The following DCDC2B variants were observed in gnomAD, a reference collection of about 807,000 sequenced individuals.
DCDC2B encodes doublecortin domain-containing protein 2B.
A neutral mutation model predicts 38.9 loss-of-function variants in DCDC2B; 41 were observed. That is an observed-to-expected ratio of 1.05 (90% confidence interval 0.82 to 1.37). The LOEUF (loss-of-function observed/expected upper bound fraction) is 1.37, where lower values mean the gene tolerates loss of function less well. Among genes scored for constraint, DCDC2B ranks in the 40% most tolerant of loss-of-function variants. The pLI, the probability that DCDC2B is intolerant of heterozygous loss-of-function variation, is 0.00. For missense variants in DCDC2B, 453 were observed against 427.2 expected (o/e 1.06, Z -0.53); for synonymous variants, 181 against 171.9 (o/e 1.05, Z -0.41).
rs1569727669 is a variant in DCDC2B at position 32,209,239 on chromosome 1, C to A, written c.146C>A (p.Ala49Asp). 3.7e-6 allele frequency: 6 copies of A among 1,614,030 alleles called. No homozygotes were observed. The highest frequency in any genetic ancestry group is 5.1e-6 in the Non-Finnish European group (6 of 1,179,900). Reference sequence around the variant, plus strand: ...TGCGAGGTGACATCAGCTGTGCAGGCCCCACTGGCTGTGCGTGCCCTCTAC... The same window carrying A: ...TGCGAGGTGACATCAGCTGTGCAGGACCCACTGGCTGTGCGTGCCCTCTAC... Reference protein sequence around the residue: ...FLCEVTSAVQAPLAVRALYTP... With the variant: ...FLCEVTSAVQDPLAVRALYTP... Residue 49 changes from alanine to aspartate, a missense_variant, in exon 1 of 9, where the codon GCC (alanine) becomes GAC (aspartate). Transcript: ENST00000409358.
intron 7 of DCDC2B, 99 bp from the exon 8 acceptor site, chr1:32,215,341 A>C: frequency 9.9e-7 from 1 of 1,010,440 alleles, no homozygotes; most frequent in South Asian, 1.7e-5. Flanking sequence ...ATGCAGAACC[A>C]GGTTCAGGGG....
At chr1:32,210,325 TAAAAAAAAAAAA>T (rs905848009) in intron 1 of DCDC2B, among the ~76,000 whole-genome samples, 2 of 78,746 alleles carry the variant, frequency 2.5e-5, no homozygotes, top group Admixed American at 1.4e-4. Context: ...AAACTCCATC[TAAAAAAAAAAAA>T]AAAAAAAAAA....
rs1638297775 is a variant in DCDC2B at position 32,215,417 on chromosome 1, C to T, written c.851-23C>T. The T allele has an allele frequency of 1.2e-5, 19 of 1,580,116 alleles. No homozygotes were observed. The South Asian group carries it at 2.1e-4, about 18-fold the overall frequency. ...GAGGGCTCTTCAGCCTGGGCATCAC[C>T]CAGTGCTGCCTCCCCTCTTTAGGAG... On this transcript the variant is annotated intron_variant, in intron 7 of 8. Transcript: ENST00000409358.
intron 8 of DCDC2B, 63 bp downstream of exon 8, chr1:32,215,606 A>G: frequency 6.7e-7 from 1 of 1,488,222 alleles, no homozygotes; most frequent in Non-Finnish European, 9.2e-7. Context: ...GGAAACTGGC[A>G]GCCTTGGGCC....
chr1:32,210,518 A>T (rs776696552), intron 1 of DCDC2B, among the ~76,000 whole-genome samples: 9 of 151,860 alleles, frequency 5.9e-5, no homozygotes, highest in Non-Finnish European at 1.3e-4. Context: ...AAAAAGAGAA[A>T]AAAAGAAAAA....
At position 32,212,050 on chromosome 1, in the gene DCDC2B, T is replaced by TA. The variant is rs1339609181; in HGVS notation, c.396-19dup. On this transcript the variant is annotated intron_variant, in intron 3 of 8. Transcript: ENST00000409358. ...AGGGACTCCTGGGGACACTCCCCCT[T>TA]ACCAGGCTTTTTGTCTCAGTGTGTT... The TA allele has an allele frequency of 1.2e-6, 2 of 1,606,542 alleles. No homozygotes were observed. Among genetic ancestry groups the TA allele is most frequent in the Non-Finnish European group, 1.7e-6 (2 of 1,174,446 alleles).
intron 7 of DCDC2B, 179 bp downstream of exon 7, chr1:32,215,111 A>T (rs1638270203): frequency 1.6e-5 from 3 of 189,076 alleles, no homozygotes; most frequent in Non-Finnish European, 2.9e-5. Flanking sequence ...GACTGCCCGT[A>T]AAAAAAAAAA....
rs747943437 is a variant in DCDC2B, at chr1:32,212,598, G to A, written c.636G>A (p.Glu212=). The change falls in exon 5 of 9, where the codon GAG becomes GAA. Residue 212 remains glutamate (E), a synonymous_variant. Transcript: ENST00000409358. The stretch of plus-strand genomic sequence containing the variant: ...AGTTCAAGGACCTTCCCTATCTGGA[G>A]CTGCTGGTGCCCAGCCCCTCCCTGC... ...EDEFKDLPYL[E]LLVPSPSLPR... is the part of the protein sequence containing the mutation. The A allele has an allele frequency of 1.4e-5, 22 of 1,613,934 alleles. No homozygotes were observed. Among genetic ancestry groups the A allele is most frequent in the Non-Finnish European group, 1.9e-5 (22 of 1,179,904 alleles).
In DCDC2B at chr1:32,209,123, G is replaced by A. The variant is rs139959094; in HGVS notation, c.30G>A (p.Arg10=). 8.6e-3 allele frequency: 13,930 copies of A among 1,613,918 alleles called. 67 individuals carry two copies. Among genetic ancestry groups the A allele is most frequent in the Non-Finnish European group, 9.8e-3 (11,524 of 1,179,856 alleles). Residue 10 remains arginine, a synonymous_variant, in exon 1 of 9, where the codon AGG becomes AGA. Transcript: ENST00000409358. ...CAGGTGGCAGTCCAGCAGCCAAGAG[G>A]GTAGTGGTGTACCGGAATGGGGACC... MAGGSPAAK[R]VVVYRNGDPF...
In DCDC2B at chr1:32,214,793, C is replaced by G; in HGVS notation, c.715-4C>G. On this transcript the variant is annotated splice_polypyrimidine_tract_variant and splice_region_variant and intron_variant, in intron 6 of 8. Transcript: ENST00000409358. ...AGGGTCCAAGCCCAGTGTCCCTTCT[C>G]TAGGCCCAAGGCCACAGGGCCCAGG... 6.2e-7 allele frequency: 1 copy of G among 1,613,938 alleles called. No homozygotes were observed. Among genetic ancestry groups the G allele is most frequent in the East Asian group, 2.2e-5 (1 of 44,886 alleles).
intron 7 of DCDC2B, chr1:32,215,147 T>A: frequency 1.5e-6 from 1 of 653,774 alleles, no homozygotes; most frequent in South Asian, 2.3e-5. Context: ...TCATCATAAC[T>A]GTCTCCAGCT....
At chr1:32,211,672 TCCGG>T in intron 2 of DCDC2B, 85 bp from the exon 3 acceptor site, 1 of 1,371,438 alleles carries the variant, frequency 7.3e-7, no homozygotes. Context: ...CCAGTCTGGT[TCCGG>T]CCCCCTCACT....
Position 32,212,471 on chromosome 1 carries a change from C to T in DCDC2B, c.528-19C>T, listed in dbSNP as rs1455328670. On this transcript the variant is annotated intron_variant, in intron 4 of 8. Coordinates refer to ENST00000409358, the MANE Select transcript of DCDC2B (RefSeq NM_001099434.2). The stretch of plus-strand genomic sequence containing the variant: ...CATCGAGTCTACCAGCCCTTATCCT[C>T]CTCACCTCTCTCTCCCAGACTCTGC... 6.2e-7 allele frequency: 1 copy of T among 1,613,122 alleles called. No homozygotes were observed.
chr1:32,215,847 C>CCTGGGG lies in DCDC2B; in HGVS notation c.1010_1015dup (p.Gly337_Ala338dup), dbSNP rs1557537055. 1.3e-6 allele frequency: 2 copies of CCTGGGG among 1,553,214 alleles called. No homozygotes were observed. Among genetic ancestry groups the CCTGGGG allele is most frequent in the Non-Finnish European group, 8.7e-7 (1 of 1,147,914 alleles). On this transcript the variant is annotated inframe_insertion, in exon 9 of 9. Transcript: ENST00000409358. Reference sequence around the variant, plus strand: ...AGAGGCCTTGTCCCTGGAAAACCAGCCTGGGGCTGGGGCTGCTATCTCAGC... The same window carrying CCTGGGG: ...AGAGGCCTTGTCCCTGGAAAACCAGCCTGGGGCTGGGGCTGGGGCTGCTATCTCAGC...
At chr1:32,214,312 CAAAAAAAAAAA>C (rs58837364) in intron 6 of DCDC2B, among the ~76,000 whole-genome samples, 8 of 51,956 alleles carry the variant, frequency 1.5e-4, no homozygotes, top group South Asian at 8.0e-4. Context: ...ACTCAAGTCT[CAAAAAAAAAAA>C]AAAAAAAAAA....
At position 32,212,084 on chromosome 1, in the gene DCDC2B, G is replaced by C. The variant is rs1643610368; in HGVS notation, c.410G>C (p.Gly137Ala). Residue 137 changes from glycine to alanine, a missense_variant, in exon 4 of 9, where the codon GGG becomes GCG. Transcript: ENST00000409358. Reference sequence around the variant, plus strand: ...TTTTGTCTCAGTGTGTTCAGGAATGGGGACCTGGTAAGTCCCCCATTTAGT... The same window carrying C: ...TTTTGTCTCAGTGTGTTCAGGAATGCGGACCTGGTAAGTCCCCCATTTAGT... ...APSYIHVFRN[G>A]DLVSPPFSLK... 6 of 1,613,052 alleles carry C rather than the reference G, an allele frequency of 3.7e-6. No individual in the cohort carries two copies. Among genetic ancestry groups the C allele is most frequent in the African/African-American group, 2.7e-5 (2 of 74,900 alleles).
At chr1:32,210,153 C>G (rs976911768) in intron 1 of DCDC2B, among the ~76,000 whole-genome samples, 4 of 152,112 alleles carry the variant, frequency 2.6e-5, no homozygotes, top group African/African-American at 9.7e-5. Flanking sequence ...CATGGAGAAA[C>G]CCCATCTCTA....
chr1:32,210,714 CTT>C (rs541050742), intron 1 of DCDC2B, among the ~76,000 whole-genome samples: 3 of 144,670 alleles, frequency 2.1e-5, no homozygotes, highest in Non-Finnish European at 3.0e-5. Context: ...TTTCTCTTGA[CTT>C]TTTTTTTTTT....
intron 7 of DCDC2B, 93 bp downstream of exon 7, chr1:32,215,025 A>T: frequency 6.6e-7 from 1 of 1,506,472 alleles, no homozygotes; most frequent in Non-Finnish European, 8.9e-7. Flanking sequence ...CCATGGGAGC[A>T]GAATGCTCAG....
Sources: gnomAD v4.1 joint callset for allele counts (sites outside exome capture counted in the v4.1 genomes callset) on GRCh38, gnomAD v4.1.1 for gene constraint, MANE v1.5 for transcripts, NCBI Gene and HGNC (gene_info 2026-07-23, HGNC 2026-07-21) for gene names.